Variants in PDE1A observed in about 807,000 individuals in gnomAD.
The protein encoded by PDE1A is dual specificity calcium/calmodulin-dependent 3',5'-cyclic nucleotide phosphodiesterase 1A.
PDE1A carries 35 observed loss-of-function variants against 61.7 expected under a neutral mutation model. The ratio of observed to expected loss-of-function variants is 0.57; its 90% CI spans 0.43 to 0.75. The LOEUF (loss-of-function observed/expected upper bound fraction) is 0.75. Among genes scored for constraint, PDE1A ranks in the 30% least tolerant of loss-of-function variants. The probability of loss-of-function intolerance (pLI) is 0.00; values close to 1 mark genes in which losing one functional copy is unlikely to be tolerated. For synonymous variants in PDE1A, 232 were observed against 213.2 expected (o/e 1.09, Z -0.77); for missense variants, 597 against 630.6 (o/e 0.95, Z 0.57).
intron 1 of PDE1A, among the ~76,000 whole-genome samples, chr2:182,395,396 T>C (rs1701646919): frequency 6.6e-6 from 1 of 152,176 alleles, no homozygotes; most frequent in African/African-American, 2.4e-5. Flanking sequence ...GACTTATTGG[T>C]GAGACATTTG....
intron 1 of PDE1A, among the ~76,000 whole-genome samples, chr2:182,308,108 A>G (rs1695716549): frequency 6.6e-6 from 1 of 152,174 alleles, no homozygotes; most frequent in Non-Finnish European, 1.5e-5. Context: ...TCTTTTTAAT[A>G]TGGCAGGCCT....
At chr2:182,693,759 G>A in the PDE1A span, among the ~76,000 whole-genome samples, 3 of 150,464 alleles carry the variant, frequency 2.0e-5, no homozygotes, top group Admixed American at 6.7e-5. Flanking sequence ...TGATTCTCCT[G>A]TCTCAGCCTC....
chr2:182,192,096 G>A (rs913510288), intron 10 of PDE1A, among the ~76,000 whole-genome samples: 2 of 151,906 alleles, frequency 1.3e-5, no homozygotes, highest in Admixed American at 1.3e-4. Context: ...ACCTCAGGTA[G>A]TCCCTCTGCC....
chr2:182,283,875 T>C (rs1322288369), intron 1 of PDE1A, among the ~76,000 whole-genome samples: 1 of 152,140 alleles, frequency 6.6e-6, no homozygotes, highest in East Asian at 1.9e-4. Flanking sequence ...GATTATCCAT[T>C]ATCAAACCTC....
At chr2:182,696,639 A>T in the PDE1A span, among the ~76,000 whole-genome samples, 4 of 152,218 alleles carry the variant, frequency 2.6e-5, no homozygotes, top group Non-Finnish European at 4.4e-5. Context: ...TGATATGTCA[A>T]TGCAGGTTCA....
the PDE1A span, among the ~76,000 whole-genome samples, chr2:182,587,433 C>G: frequency 1.3e-5 from 2 of 152,154 alleles, no homozygotes; most frequent in Non-Finnish European, 2.9e-5. Flanking sequence ...CATCAATCTT[C>G]CAGGTCTAAC....
chr2:182,295,057 C>CTTGTTTTTTTTTT (rs1694785332), intron 1 of PDE1A, among the ~76,000 whole-genome samples: 1 of 59,350 alleles, frequency 1.7e-5, no homozygotes, highest in Non-Finnish European at 3.0e-5. Flanking sequence ...AAAAGGTAAT[C>CTTGTTTTTTTTTT]TTTTTTTTTT....
chr2:182,143,899 C>A (rs979003851), downstream of PDE1A, among the ~76,000 whole-genome samples: 1 of 151,850 alleles, frequency 6.6e-6, no homozygotes, highest in Admixed American at 6.6e-5. Flanking sequence ...GGTGTGTGTG[C>A]GTGTGTTTGT....
chr2:182,588,853 G>T, the PDE1A span, among the ~76,000 whole-genome samples: 1 of 152,056 alleles, frequency 6.6e-6, no homozygotes, highest in African/African-American at 2.4e-5. Flanking sequence ...AGGCCAGCTT[G>T]GCCAACATGG....
At chr2:182,439,445 G>A (rs1219620353) in intron 2 of PDE1A, among the ~76,000 whole-genome samples, 1 of 151,990 alleles carries the variant, frequency 6.6e-6, no homozygotes. Context: ...GGACAGGGAC[G>A]AGTATTCAGC....
chr2:182,329,216 C>G (rs1253842352), intron 1 of PDE1A, among the ~76,000 whole-genome samples: 1 of 152,130 alleles, frequency 6.6e-6, no homozygotes, highest in Non-Finnish European at 1.5e-5. Flanking sequence ...TCCCTGTGCT[C>G]TCAAATTTCA....
At chr2:182,477,771 T>A (rs756498205) in intron 2 of PDE1A, among the ~76,000 whole-genome samples, 1 of 151,962 alleles carries the variant, frequency 6.6e-6, no homozygotes, top group Admixed American at 6.6e-5. Flanking sequence ...ATAGTTACGG[T>A]AAACGACACA....
intron 2 of PDE1A, among the ~76,000 whole-genome samples, chr2:182,471,227 CTGTT>C (rs1168441882): frequency 6.6e-6 from 1 of 151,704 alleles, no homozygotes; most frequent in African/African-American, 2.4e-5. Flanking sequence ...ATTTCAATAA[CTGTT>C]TATTTAATAA....
the PDE1A span, among the ~76,000 whole-genome samples, chr2:182,629,663 T>C: frequency 2.6e-5 from 4 of 152,344 alleles, no homozygotes; most frequent in East Asian, 3.9e-4. Context: ...TGTGCTATTA[T>C]GGGCATTCAC....
In PDE1A at chr2:182,149,415, T is replaced by G. The variant is rs561952858; in HGVS notation, c.1517-2263A>C. Reference sequence around the variant, plus strand: ...CACATATTATACCCAATAATAATTCTGTACATGTGATTAGCAACAATTAAA... The same window carrying G: ...CACATATTATACCCAATAATAATTCGGTACATGTGATTAGCAACAATTAAA... On this transcript the variant is annotated intron_variant, in intron 13 of 13. Coordinates refer to the PDE1A transcript ENST00000409365. 6.3e-4 allele frequency among the ~76,000 whole-genome samples: 96 copies of G among 152,302 alleles called. 1 individual carries two copies. Among genetic ancestry groups the G allele is most frequent in the African/African-American group, 2.2e-3 (90 of 41,564 alleles).
intron 1 of PDE1A, among the ~76,000 whole-genome samples, chr2:182,338,273 C>T (rs1387476771): frequency 2.6e-5 from 4 of 152,180 alleles, no homozygotes; most frequent in Admixed American, 6.5e-5. Context: ...ATCTTTGGGT[C>T]TCAGCTTTCT....
At chr2:182,608,497 C>T in the PDE1A span, among the ~76,000 whole-genome samples, 5 of 152,202 alleles carry the variant, frequency 3.3e-5, no homozygotes, top group African/African-American at 1.2e-4. Context: ...GCGCCAGGCG[C>T]TTGCGGGCCA....
At chr2:182,375,425 C>A (rs1203380828) in intron 1 of PDE1A, among the ~76,000 whole-genome samples, 5 of 152,166 alleles carry the variant, frequency 3.3e-5, no homozygotes, top group African/African-American at 1.2e-4. Flanking sequence ...TCTTCCAGGA[C>A]AGTCAAATTT....
intron 7 of PDE1A, among the ~76,000 whole-genome samples, chr2:182,211,273 A>AT (rs1559191245): frequency 6.6e-6 from 1 of 152,086 alleles, no homozygotes. Flanking sequence ...TGAAAAGATT[A>AT]TTTTTGCTTC....
Sources: gnomAD v4.1 joint callset for allele counts (sites outside exome capture counted in the v4.1 genomes callset) on GRCh38, gnomAD v4.1.1 for gene constraint, MANE v1.5 for transcripts, NCBI Gene and HGNC (gene_info 2026-07-23, HGNC 2026-07-21) for gene names.